Variants in PSG9 observed in about 807,000 individuals in gnomAD.
PSG9 encodes the protein pregnancy-specific beta-1-glycoprotein 9.
In PSG9, 49 loss-of-function variants were observed where a neutral mutation model predicts 41.9. The observed-to-expected ratio is 1.17, with a 90% CI of 0.93 to 1.48. The LOEUF is 1.48. Among genes scored for constraint, PSG9 ranks in the 40% most tolerant of loss-of-function variants. The probability of loss-of-function intolerance (pLI) is 0.00; values close to 1 mark genes in which losing one functional copy is unlikely to be tolerated. For synonymous variants in PSG9, 263 were observed against 196.8 expected (o/e 1.34, Z -2.82); for missense variants, 641 against 520.3 (o/e 1.23, Z -2.26).
At chr19:43,268,267 C>CACAT (rs151026771) in intron 1 of PSG9, 118 bp from the exon 2 acceptor site, 356,854 of 1,380,138 alleles carry the variant, frequency 0.26, 52,303 homozygotes, top group Non-Finnish European at 0.3. Flanking sequence ...CACACACGCA[C>CACAT]ACATACAAAC....
chr19:43,257,938 C>G, intron 5 of PSG9: 1 of 1,425,060 alleles, frequency 7.0e-7, no homozygotes, highest in Non-Finnish European at 9.1e-7. Context: ...TCTCTGAAGC[C>G]TCTTCTACCA....
chr19:43,261,931 C>A lies in PSG9; in HGVS notation c.638G>T (p.Gly213Val). The change falls in exon 3 of 6, where the codon GGA becomes GTA. Residue 213 changes from glycine to valine, a missense_variant. By Grantham distance (109) the Gly-to-Val change is moderately radical. Coordinates refer to ENST00000270077, the MANE Select transcript of PSG9 (RefSeq NM_002784.5). ...YLFGVTKYIA[G>V]PYECEIRNPV... is the part of the protein sequence containing the mutation. The stretch of plus-strand genomic sequence containing the variant: ...GTTCCGTATTTCACATTCATAGGGT[C>A]CTGCAATATACTTTGTGACACCAAA... 6.2e-7 allele frequency: 1 copy of A among 1,614,032 alleles called. No homozygotes were observed. The highest frequency in any genetic ancestry group is 8.5e-7 in the Non-Finnish European group (1 of 1,179,940).
At chr19:43,264,019 A>G (rs1968849849) in intron 2 of PSG9, among the ~76,000 whole-genome samples, 1 of 152,162 alleles carries the variant, frequency 6.6e-6, no homozygotes, top group South Asian at 2.1e-4. Context: ...AAACACCACT[A>G]AAATTTAAGT....
chr19:43,269,344 T>G (rs1457231558), intron 1 of PSG9, 24 bp downstream of exon 1: 26 of 1,613,120 alleles, frequency 1.6e-5, no homozygotes, highest in Non-Finnish European at 2.2e-5. Context: ...CCCCCTGTCC[T>G]CTCCCAGGAA....
intron 2 of PSG9, among the ~76,000 whole-genome samples, chr19:43,266,160 C>T (rs1029973480): frequency 5.3e-5 from 8 of 151,798 alleles, no homozygotes; most frequent in African/African-American, 1.5e-4. Context: ...CTTCAGAGAC[C>T]CCAGGGCCCA....
At chr19:43,260,931 T>C (rs925260098) in intron 3 of PSG9, among the ~76,000 whole-genome samples, 1 of 152,158 alleles carries the variant, frequency 6.6e-6, no homozygotes, top group Non-Finnish European at 1.5e-5. Context: ...TTGGTTAAAC[T>C]TATTCCAAAA....
At chr19:43,260,922 TG>T (rs1968682827) in intron 3 of PSG9, among the ~76,000 whole-genome samples, 1 of 152,154 alleles carries the variant, frequency 6.6e-6, no homozygotes, top group Non-Finnish European at 1.5e-5. Context: ...TTGACCTTTT[TG>T]GTTAAACTTA....
chr19:43,261,436 GA>G (rs1968705184), intron 3 of PSG9, among the ~76,000 whole-genome samples: 1 of 152,116 alleles, frequency 6.6e-6, no homozygotes, highest in African/African-American at 2.4e-5. Flanking sequence ...GTATGAGGAA[GA>G]AATGGTGGGT....
chr19:43,269,143 T>G (rs1969127328), intron 1 of PSG9, among the ~76,000 whole-genome samples: 2 of 152,014 alleles, frequency 1.3e-5, no homozygotes. Context: ...TAGCTAGGAT[T>G]ACAGGAGTAC....
chr19:43,266,215 C>A (rs543526527), intron 2 of PSG9, among the ~76,000 whole-genome samples: 1 of 152,024 alleles, frequency 6.6e-6, no homozygotes, highest in Admixed American at 6.5e-5. Flanking sequence ...CCCTGAGAAC[C>A]CTCCGGTGGC....
At position 43,261,910 on chromosome 19, in the gene PSG9, C is replaced by T. The variant is rs369317952; in HGVS notation, c.659G>A (p.Arg220Gln). The T allele has an allele frequency of 4.3e-5, 70 of 1,614,022 alleles. No homozygotes were observed. The highest frequency in any genetic ancestry group is 6.7e-5 in the African/African-American group (5 of 75,006). The change falls in exon 3 of 6, where the codon CGG becomes CAG. Residue 220 changes from arginine (R) to glutamine (Q), a missense_variant. Transcript: ENST00000270077. ...YIAGPYECEI[R>Q]NPVSASRSDP... is the part of the protein sequence containing the mutation. Reference sequence around the variant, plus strand: ...ACTGCGACTGGCACTCACTGGGTTCCGTATTTCACATTCATAGGGTCCTGC... The same window carrying T: ...ACTGCGACTGGCACTCACTGGGTTCTGTATTTCACATTCATAGGGTCCTGC...
In PSG9 at chr19:43,253,631, T is replaced by C. The variant is rs1178461691; in HGVS notation, c.1259A>G (p.Asp420Gly). The C allele has an allele frequency of 9.6e-7, 1 of 1,040,536 alleles. No individual in the cohort carries two copies. Among genetic ancestry groups the C allele is most frequent in the South Asian group, 1.3e-5 (1 of 76,720 alleles). The allele number at this position is 1,040,536 out of a possible 1,614,324, so 64.5% of individuals were successfully genotyped here. A position where few individuals can be genotyped will look rare whatever the true frequency, so the allele number is the denominator to read the frequency against. The change falls in exon 6 of 6, where the codon GAC (aspartate) becomes GGC (glycine). Residue 420 changes from aspartate (D) to glycine (G), a missense_variant. Coordinates refer to ENST00000270077, the MANE Select transcript of PSG9 (RefSeq NM_002784.5). ...CAGTCATGACTGAGACTCTGTCAGG[T>C]CTCCATGGCAGGGACCTGATTGACA... ...TVKVSGPCHG[D>G]LTESQS
chr19:43,262,426 T>G (rs2072287), intron 2 of PSG9, among the ~76,000 whole-genome samples: 30,684 of 152,048 alleles, frequency 0.2, 3,898 homozygotes, highest in East Asian at 0.48. Flanking sequence ...TGATGCCTCT[T>G]TGAGTCCCTC....
chr19:43,262,176 A>G (rs762174545), intron 2 of PSG9, 38 bp from the exon 3 acceptor site: 1 of 1,590,566 alleles, frequency 6.3e-7, no homozygotes, highest in Non-Finnish European at 8.6e-7. Context: ...CCTGTGTGGC[A>G]CCTTTGATTC....
At chr19:43,261,700 G>C (rs1249808985) in intron 3 of PSG9, among the ~76,000 whole-genome samples, 160 bp downstream of exon 3, 1 of 152,120 alleles carries the variant, frequency 6.6e-6, no homozygotes, top group African/African-American at 2.4e-5. Context: ...ATCAAGCCTA[G>C]GCCTACTCTG....
At chr19:43,267,649 C>T (rs1969033621) in intron 2 of PSG9, 135 bp downstream of exon 2, 1 of 1,468,288 alleles carries the variant, frequency 6.8e-7, no homozygotes, top group Admixed American at 1.7e-5. Flanking sequence ...GTGTCCTGCA[C>T]TAAATGCCCA....
At chr19:43,264,839 T>C (rs1310975783) in intron 2 of PSG9, among the ~76,000 whole-genome samples, 1 of 152,166 alleles carries the variant, frequency 6.6e-6, no homozygotes, top group Admixed American at 6.5e-5. Flanking sequence ...ATTCCAAGCT[T>C]GTTATATGCC....
chr19:43,266,813 T>C (rs1046267206), intron 2 of PSG9, among the ~76,000 whole-genome samples: 50 of 152,126 alleles, frequency 3.3e-4, no homozygotes, highest in Admixed American at 2.8e-3. Context: ...CATGTGACCC[T>C]GATCTCCCCT....
chr19:43,263,489 T>G (rs1968822006), intron 2 of PSG9, among the ~76,000 whole-genome samples: 1 of 152,050 alleles, frequency 6.6e-6, no homozygotes, highest in African/African-American at 2.4e-5. Flanking sequence ...GCATTTCAGA[T>G]TGTGGATTTC....
Sources: allele counts gnomAD v4.1 joint callset (sites outside exome capture counted in the v4.1 genomes callset), GRCh38; gene constraint gnomAD v4.1.1; transcripts MANE v1.5; gene names NCBI Gene and HGNC (gene_info 2026-07-23, HGNC 2026-07-21).